The following TSC22D3 variants were observed in gnomAD, a reference collection of about 807,000 sequenced individuals.
TSC22D3 encodes the protein TSC22 domain family member 3.
Under a neutral mutation model 11.1 loss-of-function variants are expected in TSC22D3, and 4 were observed. That is an observed-to-expected ratio of 0.36 (90% CI 0.18 to 0.83). TSC22D3 has a LOEUF of 0.83. Among genes scored for constraint, TSC22D3 ranks in the 40% least tolerant of loss-of-function variants. The pLI is 0.48. For synonymous variants in TSC22D3, 77 were observed against 70.3 expected (o/e 1.10, Z -0.48); for missense variants, 118 against 159.4 (o/e 0.74, Z 1.40).
intron 1 of TSC22D3, among the ~76,000 whole-genome samples, chrX:107,774,504 G>A (rs767156958): frequency 9.0e-6 from 1 of 111,501 alleles, no homozygotes; most frequent in Non-Finnish European, 1.9e-5. Context: ...GAAATTTAAC[G>A]CTGTGATCCA....
intron 1 of TSC22D3, among the ~76,000 whole-genome samples, chrX:107,722,817 A>G (rs1411085598): frequency 3.6e-5 from 4 of 112,139 alleles, no homozygotes; most frequent in African/African-American, 1.3e-4. Flanking sequence ...TCCCCTGCCC[A>G]TGCTAGTTGC....
chrX:107,757,846 C>T (rs1929244895), intron 1 of TSC22D3, among the ~76,000 whole-genome samples: 2 of 111,098 alleles, frequency 1.8e-5, no homozygotes, highest in Non-Finnish European at 3.8e-5. Flanking sequence ...TAACTTCCAG[C>T]CTGGGCAACA....
chrX:107,745,060 C>G (rs751762473), intron 1 of TSC22D3, among the ~76,000 whole-genome samples: 1 of 112,107 alleles, frequency 8.9e-6, no homozygotes, highest in East Asian at 2.8e-4. Flanking sequence ...TGGATGTATC[C>G]GTTGCAGCAA....
chrX:107,726,871 C>T (rs754571437), intron 1 of TSC22D3, among the ~76,000 whole-genome samples: 2 of 111,866 alleles, frequency 1.8e-5, no homozygotes, highest in South Asian at 3.8e-4. Flanking sequence ...AGAGCTCTAA[C>T]AGCAAACTAA....
chrX:107,740,152 G>C (rs1928329844), intron 1 of TSC22D3, among the ~76,000 whole-genome samples: 1 of 112,181 alleles, frequency 8.9e-6, no homozygotes, highest in Non-Finnish European at 1.9e-5. Flanking sequence ...ATACCGGGTA[G>C]AGAAAGTGGC....
intron 1 of TSC22D3, among the ~76,000 whole-genome samples, chrX:107,772,534 G>A (rs1005893966): frequency 9.0e-6 from 1 of 111,367 alleles, no homozygotes; most frequent in African/African-American, 3.3e-5. Context: ...AGAATCCCCA[G>A]TCTCTAAGGT....
chrX:107,722,717 C>G, intron 1 of TSC22D3, among the ~76,000 whole-genome samples: 1 of 111,183 alleles, frequency 9.0e-6, no homozygotes, highest in Non-Finnish European at 1.9e-5. Flanking sequence ...TTCCACCCTC[C>G]CTATTGTCCA....
At chrX:107,740,023 T>C (rs1928322246) in intron 1 of TSC22D3, among the ~76,000 whole-genome samples, 2 of 112,055 alleles carry the variant, frequency 1.8e-5, no homozygotes, top group South Asian at 7.4e-4. Flanking sequence ...TCATATACAG[T>C]ATATATGTTA....
chrX:107,732,136 C>T (rs752166168), intron 1 of TSC22D3, among the ~76,000 whole-genome samples: 1 of 109,648 alleles, frequency 9.1e-6, no homozygotes, highest in South Asian at 4.0e-4. Context: ...CCCCAACCCC[C>T]ACCCTTCCCC....
At chrX:107,730,874 T>C (rs774234850) in intron 1 of TSC22D3, among the ~76,000 whole-genome samples, 2 of 111,868 alleles carry the variant, frequency 1.8e-5, no homozygotes, top group African/African-American at 3.2e-5. Context: ...TCCTGCTGCC[T>C]GGAGTTTCAT....
intron 1 of TSC22D3, among the ~76,000 whole-genome samples, chrX:107,773,506 G>T (rs754352776): frequency 1.8e-5 from 2 of 112,289 alleles, no homozygotes; most frequent in Non-Finnish European, 3.8e-5. Flanking sequence ...AACGTCTGTG[G>T]GCTGAATACA....
rs1026038272 is a variant in TSC22D3 at position 107,775,578 on chromosome X, G to T, written c.-159C>A. The T allele has an allele frequency of 1.5e-4, 65 of 437,556 alleles. No individual in the cohort carries two copies. Among genetic ancestry groups the T allele is most frequent in the Non-Finnish European group, 2.3e-4 (59 of 256,668 alleles). The allele number at this position is 437,556 out of a possible 1,213,427, so 36.1% of individuals were successfully genotyped here. ...GCCTAAAGCCAGCCACCTTCGGCTC[G>T]GCCCCCTTCTGGCTGTACTGCTCCG... is the stretch of plus-strand genomic sequence containing the variant. On this transcript the variant is annotated 5_prime_UTR_variant, in exon 1 of 3. Transcript: ENST00000372383.
intron 1 of TSC22D3, among the ~76,000 whole-genome samples, chrX:107,740,300 C>T (rs980665373): frequency 8.9e-6 from 1 of 111,765 alleles, no homozygotes; most frequent in Non-Finnish European, 1.9e-5. Context: ...TAAGAGAGAT[C>T]GTGCTGGGCA....
intron 1 of TSC22D3, among the ~76,000 whole-genome samples, chrX:107,740,411 G>A (rs904668589): frequency 1.8e-5 from 2 of 111,528 alleles, no homozygotes; most frequent in Non-Finnish European, 3.8e-5. Context: ...GTGAAACCCC[G>A]TCTCTACCAA....
At chrX:107,730,400 TG>T (rs756040199) in intron 1 of TSC22D3, among the ~76,000 whole-genome samples, 48 of 111,969 alleles carry the variant, frequency 4.3e-4, no homozygotes, top group Admixed American at 1.6e-3. Flanking sequence ...TTCATACAGC[TG>T]CAGAGGAATT....
intron 1 of TSC22D3, among the ~76,000 whole-genome samples, chrX:107,720,515 A>T (rs903626026): frequency 3.6e-5 from 4 of 111,428 alleles, no homozygotes; most frequent in African/African-American, 1.3e-4. Context: ...AACATGGTGA[A>T]ACCCAGTTTC....
rs1309746833 is a variant in TSC22D3 at position 107,755,808 on chromosome X, T to C, written c.320+19292A>G. Among the ~76,000 whole-genome samples the C allele has an allele frequency of 3.6e-5, 4 of 112,093 alleles. No individual in the cohort carries two copies. The East Asian group carries it at 1.1e-3, about 31-fold the overall frequency. On this transcript the variant is annotated intron_variant, in intron 1 of 2. Coordinates refer to ENST00000372383, the MANE Select transcript of TSC22D3 (RefSeq NM_198057.3). ...TGCTTCCTGGAAATACCTCCCTTAA[T>C]TTGGGTTGAATAAAGCCCGTGAACA...
At chrX:107,734,331 T>C (rs1928026388) in intron 1 of TSC22D3, among the ~76,000 whole-genome samples, 1 of 112,770 alleles carries the variant, frequency 8.9e-6, no homozygotes, top group Non-Finnish European at 1.9e-5. Flanking sequence ...TGAAAAATAC[T>C]GGCGAGAGTG....
chrX:107,721,772 T>C (rs1927340255), intron 1 of TSC22D3: 1 of 426,930 alleles, frequency 2.3e-6, no homozygotes, highest in South Asian at 4.3e-5. Context: ...ACAGTGTTAA[T>C]GGGATGGTTG....
Sources: allele counts gnomAD v4.1 joint callset (sites outside exome capture counted in the v4.1 genomes callset), GRCh38; gene constraint gnomAD v4.1.1; transcripts MANE v1.5; gene names NCBI Gene and HGNC (gene_info 2026-07-23, HGNC 2026-07-21).